BRAF: variants seen among roughly 807,000 people sequenced by gnomAD.
The protein encoded by BRAF is serine/threonine-protein kinase B-raf.
Under a neutral mutation model 104.6 loss-of-function variants are expected in BRAF, and 16 were observed. That is an observed-to-expected ratio of 0.15 (90% CI 0.10 to 0.23). BRAF has a LOEUF of 0.23. Among genes scored for constraint, BRAF ranks in the 10% least tolerant of loss-of-function variants. The probability of loss-of-function intolerance (pLI) is 1.00; values close to 1 mark genes in which losing one functional copy is unlikely to be tolerated. For synonymous variants in BRAF, 310 were observed against 341.6 expected (o/e 0.91, Z 1.02); for missense variants, 541 against 937.3 (o/e 0.58, Z 5.52).
chr7:140,829,251 C>G (rs1806433901), intron 3 of BRAF, among the ~76,000 whole-genome samples: 1 of 151,072 alleles, frequency 6.6e-6, no homozygotes, highest in African/African-American at 2.4e-5. Context: ...CTGTCTCCTA[C>G]AGCTTTTGAG....
intron 2 of BRAF, among the ~76,000 whole-genome samples, chr7:140,841,171 A>G (rs1807923504): frequency 6.6e-6 from 1 of 152,200 alleles, no homozygotes; most frequent in South Asian, 2.1e-4. Context: ...ACTGCAAATC[A>G]AAACCAAATG....
intron 14 of BRAF, among the ~76,000 whole-genome samples, chr7:140,766,924 C>A (rs1799385541): frequency 6.6e-6 from 1 of 152,174 alleles, no homozygotes; most frequent in African/African-American, 2.4e-5. Context: ...AACTCCTGAG[C>A]TCAAGTGATC....
At chr7:140,765,538 G>A (rs934815594) in intron 14 of BRAF, among the ~76,000 whole-genome samples, 6 of 151,926 alleles carry the variant, frequency 3.9e-5, no homozygotes, top group Admixed American at 6.5e-5. Flanking sequence ...GAAAATTTTC[G>A]CAACCTACTC....
intron 1 of BRAF, among the ~76,000 whole-genome samples, chr7:140,888,269 T>C (rs1458418606): frequency 6.6e-6 from 1 of 152,198 alleles, no homozygotes; most frequent in African/African-American, 2.4e-5. Context: ...GGGCATTCCA[T>C]ACTGCAGAAC....
At chr7:140,783,803 G>C (rs573926707) in intron 10 of BRAF, among the ~76,000 whole-genome samples, 1 of 152,146 alleles carries the variant, frequency 6.6e-6, no homozygotes, top group Non-Finnish European at 1.5e-5. Context: ...TGTAAATAAA[G>C]CCGGGCATAT....
chr7:140,777,214 C>T, intron 13 of BRAF, 126 bp from the exon 13 acceptor site: 1 of 940,280 alleles, frequency 1.1e-6, no homozygotes, highest in Non-Finnish European at 1.6e-6. Flanking sequence ...TTAAAAAAGG[C>T]AACAAAAGGA....
intron 3 of BRAF, among the ~76,000 whole-genome samples, chr7:140,825,257 C>T (rs977345092): frequency 9.9e-5 from 15 of 152,100 alleles, no homozygotes; most frequent in African/African-American, 2.4e-4. Context: ...CATGAGCCTC[C>T]GCACCCAGCC....
At position 140,924,460 on chromosome 7, in the gene BRAF, G is replaced by A; in HGVS notation, c.138+106C>T. 1.4e-6 allele frequency: 2 copies of A among 1,480,996 alleles called. No homozygotes were observed. Among genetic ancestry groups the A allele is most frequent in the Non-Finnish European group, 1.8e-6 (2 of 1,101,642 alleles). The allele number at this position is 1,480,996 out of a possible 1,614,324, so 91.7% of individuals were successfully genotyped here. ...CCAGCCCGCGGAGCTGGCCCGAGAA[G>A]GTGGCTGAGGGCATCAAGCCCCCAC... On this transcript the variant is annotated intron_variant, in intron 1 of 19. Coordinates refer to ENST00000644969, the MANE Select transcript of BRAF (RefSeq NM_001374258.1). The surrounding 1 kb of genome is among the most constrained non-coding windows in gnomAD (Gnocchi z 4.2).
At chr7:140,760,475 T>A (rs1042787223) in intron 14 of BRAF, among the ~76,000 whole-genome samples, 1 of 151,022 alleles carries the variant, frequency 6.6e-6, no homozygotes, top group African/African-American at 2.4e-5. Context: ...AAAGCCTGGT[T>A]TGAGTGGGGT....
chr7:140,796,292 AGTGAG>A (rs1802484524), intron 7 of BRAF, among the ~76,000 whole-genome samples: 1 of 151,810 alleles, frequency 6.6e-6, no homozygotes, highest in Non-Finnish European at 1.5e-5. Flanking sequence ...CAGAGACTGC[AGTGAG>A]CCAAGATCAC....
intron 14 of BRAF, among the ~76,000 whole-genome samples, chr7:140,769,501 G>A (rs1799639093): frequency 1.3e-5 from 2 of 152,148 alleles, no homozygotes; most frequent in African/African-American, 4.8e-5. Context: ...ACTTTTTAAA[G>A]CCCAAATGTA....
intron 3 of BRAF, among the ~76,000 whole-genome samples, chr7:140,821,244 A>G (rs1185317056): frequency 6.6e-6 from 1 of 151,010 alleles, no homozygotes; most frequent in Admixed American, 6.6e-5. Flanking sequence ...TTGGCCTCCC[A>G]AAGTGTTGGG....
intron 8 of BRAF, among the ~76,000 whole-genome samples, chr7:140,791,018 T>A (rs1272010824): frequency 6.6e-6 from 1 of 152,140 alleles, no homozygotes; most frequent in South Asian, 2.1e-4. Flanking sequence ...GGAGAATTGC[T>A]TGAACCCGGG....
intron 3 of BRAF, among the ~76,000 whole-genome samples, chr7:140,827,952 A>G (rs980832728): frequency 1.3e-5 from 2 of 151,960 alleles, no homozygotes; most frequent in African/African-American, 4.8e-5. Flanking sequence ...GCTGGAGTGC[A>G]ACGGCGCAAT....
In BRAF at chr7:140,787,402, C is replaced by T. The variant is rs1267632; in HGVS notation, c.1177+146G>A. The T allele has an allele frequency of 0.23, 136,887 of 599,904 alleles. 21,767 individuals carry two copies. Among genetic ancestry groups the T allele is most frequent in the African/African-American group, 0.67 (36,793 of 54,958 alleles). The allele number at this position is 599,904 out of a possible 1,614,324, so 37.2% of individuals were successfully genotyped here. A position where few individuals can be genotyped will look rare whatever the true frequency, so the allele number is the denominator to read the frequency against. On this transcript the variant is annotated intron_variant, in intron 9 of 19. Transcript: ENST00000644969. The stretch of plus-strand genomic sequence containing the variant: ...CATTTTATTAGAGGTAAATGACAAA[C>T]ACTACAGAAAAACAAAAAAATTTTG...
chr7:140,814,728 TATAAC>T (rs1478977229), intron 3 of BRAF, among the ~76,000 whole-genome samples: 2 of 145,444 alleles, frequency 1.4e-5, no homozygotes, highest in African/African-American at 5.1e-5. Flanking sequence ...ATAATTTATA[TATAAC>T]ATAATTTATA....
chr7:140,716,302 G>A (rs1167941908), downstream of BRAF, among the ~76,000 whole-genome samples: 6 of 152,146 alleles, frequency 3.9e-5, no homozygotes, highest in Non-Finnish European at 7.4e-5. Context: ...ATGAGTTTGG[G>A]CAAATAACTT....
intron 1 of BRAF, among the ~76,000 whole-genome samples, chr7:140,893,302 T>C (rs891275361): frequency 6.6e-6 from 1 of 150,534 alleles, no homozygotes. Flanking sequence ...CAGGCTGGAG[T>C]GCAGTGGCGC....
rs1313648452 is a variant in BRAF, at chr7:140,721,994, T to A, written c.*4500A>T. ...TGATAAAACCAAATTCGGTCCTATA[T>A]TTCAATTTCCCCTTCTAAGTTAATA... On this transcript the variant is annotated 3_prime_UTR_variant, in exon 20 of 20. Transcript: ENST00000644969. The A allele has an allele frequency of 1.7e-6, 2 of 1,182,278 alleles. No homozygotes were observed. Among genetic ancestry groups the A allele is most frequent in the Non-Finnish European group, 2.1e-6 (2 of 956,822 alleles). 73.2% of individuals were successfully genotyped at this position (1,182,278 alleles called of 1,614,324 possible).
Sources: allele counts gnomAD v4.1 joint callset (sites outside exome capture counted in the v4.1 genomes callset), GRCh38; gene constraint gnomAD v4.1.1; non-coding constraint Gnocchi (gnomAD v3.1); transcripts MANE v1.5; gene names NCBI Gene and HGNC (gene_info 2026-07-23, HGNC 2026-07-21).